SLC38A10: variants seen among roughly 807,000 people sequenced by gnomAD.
The protein encoded by SLC38A10 is Sodium-coupled neutral amino acid transporter 10.
SLC38A10 carries 53 observed loss-of-function variants against 81.0 expected under a neutral mutation model. The observed-to-expected ratio is 0.65, with a 90% CI of 0.53 to 0.82. The LOEUF is 0.82. Ranked by LOEUF, SLC38A10 falls within the 40% of genes least tolerant of loss-of-function variation. SLC38A10 has a pLI of 0.00. For synonymous variants in SLC38A10, 665 were observed against 655.3 expected (o/e 1.01, Z -0.23); for missense variants, 1,471 against 1,545.0 (o/e 0.95, Z 0.80).
chr17:81,250,047 A>G (rs9902277), intron 14 of SLC38A10: 372,221 of 1,287,404 alleles, frequency 0.29, 59,110 homozygotes, highest in African/African-American at 0.56. Context: ...TCTTGACTTC[A>G]GCACACTCCT....
At chr17:81,249,452 G>GC in intron 14 of SLC38A10, among the ~76,000 whole-genome samples, 1 of 3,990 alleles carries the variant, frequency 2.5e-4, no homozygotes, top group Non-Finnish European at 1.1e-3. Context: ...AAGGAGGGAG[G>GC]GAAGAGGAGG....
Position 81,276,121 on chromosome 17 carries a change from C to T in SLC38A10, c.760G>A (p.Glu254Lys), listed in dbSNP as rs769670399. The change falls in exon 8 of 16, where the codon GAG becomes AAG. Residue 254 changes from glutamate to lysine, a missense_variant. Around this residue, in one of 2 missense-constraint regions of SLC38A10, gnomAD observed 720 missense variants for 827.7 expected, o/e 0.87. Coordinates refer to ENST00000374759, the MANE Select transcript of SLC38A10 (RefSeq NM_001037984.3). This position sits in a 1 kb window ranked among gnomAD's most constrained non-coding sequence, Gnocchi z 4.7. The part of the protein sequence containing the change: ...VGFFGYVSFT[E>K]ATAGNVLMHF... ...ATGAGCACGTTGCCGGCCGTGGCCT[C>T]GGTGAAGCTGACGTAGCCGAAAAAC... 6.8e-6 allele frequency: 11 copies of T among 1,613,220 alleles called. No individual in the cohort carries two copies. Among genetic ancestry groups the T allele is most frequent in the Middle Eastern group, 1.7e-4 (1 of 6,060 alleles).
chr17:81,291,835 C>T (rs2063313086), intron 1 of SLC38A10, among the ~76,000 whole-genome samples: 1 of 152,186 alleles, frequency 6.6e-6, no homozygotes, highest in Non-Finnish European at 1.5e-5. Context: ...GAACGCAAGC[C>T]AGACACTCGC....
chr17:81,255,526 C>T (rs1239998445), intron 11 of SLC38A10, among the ~76,000 whole-genome samples: 1 of 152,190 alleles, frequency 6.6e-6, no homozygotes, highest in Non-Finnish European at 1.5e-5. Flanking sequence ...CTGAGCTCCT[C>T]GGGAGGGAGG....
rs750336215 is a variant in SLC38A10 at position 81,252,525 on chromosome 17, C to T, written c.1615G>A (p.Ala539Thr). The change falls in exon 13 of 16, where the codon GCG becomes ACG. Residue 539 changes from alanine (A) to threonine (T), a missense_variant. Physicochemically the swap from Ala to Thr is moderately conservative, Grantham distance 58. This residue lies in a region of SLC38A10 where 720 missense variants were observed against 827.7 expected (regional missense o/e 0.87). Transcript: ENST00000374759. Reference sequence around the variant, plus strand: ...CTTTCTGAGTCGGGCAGAGGCGGCGCCATCTGGCCCTGGACCCCTGGAGCC... The same window carrying T: ...CTTTCTGAGTCGGGCAGAGGCGGCGTCATCTGGCCCTGGACCCCTGGAGCC... ...GKAPGVQGQM[A>T]PPLPDSEREK... The T allele has an allele frequency of 2.5e-6, 4 of 1,613,264 alleles. No homozygotes were observed. The highest frequency in any genetic ancestry group is 3.4e-6 in the Non-Finnish European group (4 of 1,180,048).
intron 10 of SLC38A10, among the ~76,000 whole-genome samples, chr17:81,267,580 T>A (rs1201521482): frequency 6.6e-6 from 1 of 152,122 alleles, no homozygotes; most frequent in Non-Finnish European, 1.5e-5. Context: ...GGACCTGGCA[T>A]AGCAGGACAT....
rs150825010 is a variant in SLC38A10 at position 81,289,721 on chromosome 17, G to A, written c.187C>T (p.Leu63=). The A allele has an allele frequency of 1.5e-3, 2,368 of 1,611,620 alleles. 5 individuals carry two copies. Among genetic ancestry groups the A allele is most frequent in the Non-Finnish European group, 1.9e-3 (2,221 of 1,179,798 alleles). Residue 63 remains leucine (L), a synonymous_variant, in exon 2 of 16, where the codon CTG becomes TTG. Coordinates refer to ENST00000374759, the MANE Select transcript of SLC38A10 (RefSeq NM_001037984.3). This position sits in a 1 kb window ranked among gnomAD's most constrained non-coding sequence, Gnocchi z 5.9. ...SCMFLVKSAS[L]SKRRTYAGLA... ...CCGGCGTAGGTCCTCCGCTTGCTCA[G>A]GCTGGCCGACTTCACCAAGAACATG...
intron 2 of SLC38A10, 65 bp from the exon 3 acceptor site, chr17:81,284,960 C>A: frequency 7.0e-7 from 1 of 1,428,822 alleles, no homozygotes; most frequent in Admixed American, 2.3e-5. Context: ...AACAAAGGTA[C>A]TGAGCCAAGC....
intron 10 of SLC38A10, among the ~76,000 whole-genome samples, chr17:81,268,887 A>G (rs1445817734): frequency 6.6e-6 from 1 of 152,234 alleles, no homozygotes; most frequent in Non-Finnish European, 1.5e-5. Flanking sequence ...ATGCTGTTAT[A>G]AGAGACATAC....
At position 81,280,674 on chromosome 17, in the gene SLC38A10, G is replaced by A. The variant is rs755229172; in HGVS notation, c.561C>T (p.Ser187=). Residue 187 remains serine, a synonymous_variant, in exon 6 of 16, where the codon AGC becomes AGT. Transcript: ENST00000374759. ...LFSGQWLRRV[S]YVRWEGVFRC... ...GGAAGACGCCCTCCCAGCGGACGTAGCTGACCCGCCGCAGCCACTGCCCAC... is the reference window on the plus strand; with the variant it reads ...GGAAGACGCCCTCCCAGCGGACGTAACTGACCCGCCGCAGCCACTGCCCAC... 1 of 1,609,710 alleles carries A rather than the reference G, an allele frequency of 6.2e-7. No homozygotes were observed. The highest frequency in any genetic ancestry group is 1.1e-5 in the South Asian group (1 of 90,788).
In SLC38A10 at chr17:81,258,424, C is replaced by T. The variant is rs576812968; in HGVS notation, c.1288+1814G>A. ...AAGAAACAGAAACCAGATGTGGCCT[C>T]GGAGGGCACCAGGTGAGCCGGAGGC... On this transcript the variant is annotated intron_variant, in intron 11 of 15. Transcript: ENST00000374759. 9.2e-5 allele frequency among the ~76,000 whole-genome samples: 14 copies of T among 152,288 alleles called. No homozygotes were observed. In the South Asian group the frequency reaches 1.7e-3, roughly 18 times the overall value.
intron 10 of SLC38A10, among the ~76,000 whole-genome samples, chr17:81,268,087 C>A (rs1567936368): frequency 6.6e-6 from 1 of 151,684 alleles, no homozygotes; most frequent in African/African-American, 2.4e-5. Flanking sequence ...GAGGAGCCAG[C>A]AAGATGATGA....
At chr17:81,274,878 T>TA (rs144946638) in intron 8 of SLC38A10, among the ~76,000 whole-genome samples, 81 of 152,302 alleles carry the variant, frequency 5.3e-4, no homozygotes, top group Non-Finnish European at 1.1e-3. Flanking sequence ...CTACATGTGT[T>TA]ACAGTGAAAA....
At chr17:81,259,715 G>A (rs1041226192) in intron 11 of SLC38A10, among the ~76,000 whole-genome samples, 1 of 152,174 alleles carries the variant, frequency 6.6e-6, no homozygotes, top group Admixed American at 6.5e-5. Context: ...GCCACAGACG[G>A]AGGGTCGAGG....
In SLC38A10 at chr17:81,283,565, C is replaced by T. The variant is rs111619064; in HGVS notation, c.264-63G>A. On this transcript the variant is annotated intron_variant, in intron 3 of 15. Transcript: ENST00000374759. The surrounding 1 kb of genome is among the most constrained non-coding windows in gnomAD (Gnocchi z 4.7). ...GCAAGCTGGCACACACCTGGGCTGC[C>T]GCCAGGGACTACCCCAAGGCTGGGC... 1.6e-3 allele frequency: 1,999 copies of T among 1,273,764 alleles called. 24 individuals are homozygous for T. In the African/African-American group the frequency reaches 0.026, roughly 16 times the overall value. 78.9% of individuals were successfully genotyped at this position (1,273,764 alleles called of 1,614,324 possible).
Position 81,282,704 on chromosome 17 carries a change from T to G in SLC38A10, c.358-372A>C, listed in dbSNP as rs1283901778. ...TGTGGGCAGGACGGGCCCAAAGCTCTAGCTACAAAGGCCACTACGAAGCAC... is the reference window on the plus strand; with the variant it reads ...TGTGGGCAGGACGGGCCCAAAGCTCGAGCTACAAAGGCCACTACGAAGCAC... On this transcript the variant is annotated intron_variant, in intron 4 of 15. Transcript: ENST00000374759. Among the ~76,000 whole-genome samples the G allele has an allele frequency of 2.0e-5, 3 of 152,128 alleles. No individual in the cohort carries two copies. The East Asian group carries it at 5.8e-4, about 29-fold the overall frequency.
chr17:81,251,674 TG>T, intron 13 of SLC38A10, 62 bp from the exon 14 acceptor site: 1 of 1,423,788 alleles, frequency 7.0e-7, no homozygotes, highest in South Asian at 1.6e-5. Flanking sequence ...TTTGGGGGGT[TG>T]GGGGACAGAA....
chr17:81,246,843 C>T (rs1375309376), intron 15 of SLC38A10, 42 bp downstream of exon 15: 1 of 1,549,522 alleles, frequency 6.5e-7, no homozygotes, highest in Non-Finnish European at 8.7e-7. Context: ...CAGGAGACCC[C>T]CTGCCTGGCC....
intron 14 of SLC38A10, among the ~76,000 whole-genome samples, chr17:81,248,131 G>A (rs546542413): frequency 6.6e-6 from 1 of 151,970 alleles, no homozygotes; most frequent in South Asian, 2.1e-4. Flanking sequence ...CTAATGTTTT[G>A]TATTTTTAGT....
Sources: gnomAD v4.1 joint callset for allele counts (sites outside exome capture counted in the v4.1 genomes callset) on GRCh38, gnomAD v4.1.1 for gene constraint, gnomAD v4.1.1 regional missense constraint, Gnocchi (gnomAD v3.1) non-coding constraint, MANE v1.5 for transcripts, NCBI Gene and HGNC (gene_info 2026-07-23, HGNC 2026-07-21) for gene names.